Variants in FAM229B observed in about 807,000 individuals in gnomAD.
FAM229B encodes family with sequence similarity 229 member B, also known as protein FAM229B.
A neutral mutation model predicts 6.7 loss-of-function variants in FAM229B; 2 were observed. The ratio of observed to expected loss-of-function variants is 0.30; its 90% CI spans 0.12 to 0.94. The LOEUF (loss-of-function observed/expected upper bound fraction) is 0.94. Among genes scored for constraint, FAM229B ranks in the 40% least tolerant of loss-of-function variants. The pLI is 0.54. For missense variants in FAM229B, 93 were observed against 96.2 expected (o/e 0.97, Z 0.14); for synonymous variants, 29 against 34.0 (o/e 0.85, Z 0.51).
At chr6:112,096,259 ATG>A (rs1490892309) in intron 1 of FAM229B, among the ~76,000 whole-genome samples, 1 of 152,126 alleles carries the variant, frequency 6.6e-6, no homozygotes, top group Non-Finnish European at 1.5e-5. Context: ...ACAGTACAAG[ATG>A]TATTCTTCCT....
chr6:112,097,741 A>G (rs1424995616), intron 2 of FAM229B, among the ~76,000 whole-genome samples: 2 of 152,216 alleles, frequency 1.3e-5, no homozygotes, highest in African/African-American at 2.4e-5. Context: ...TTGTGTACTA[A>G]TAGTTGAATA....
intron 1 of FAM229B, among the ~76,000 whole-genome samples, chr6:112,089,614 A>G (rs1777231422): frequency 2.0e-5 from 3 of 152,200 alleles, no homozygotes; most frequent in Admixed American, 2.0e-4. Flanking sequence ...AGAACTAAGG[A>G]AATTAACTGA....
Position 112,100,669 on chromosome 6 carries a change from G to C in FAM229B, c.126-1G>C. The C allele has an allele frequency of 6.2e-7, 1 of 1,610,030 alleles. No individual in the cohort carries two copies. Among genetic ancestry groups the C allele is most frequent in the Non-Finnish European group, 8.5e-7 (1 of 1,177,160 alleles). On this transcript the variant is annotated splice_acceptor_variant, in intron 3 of 3. Transcript: ENST00000368656. LOFTEE classifies it high-confidence loss of function. The stretch of plus-strand genomic sequence containing the variant: ...TACATGTCATCTGCTTTTTTATTCA[G>C]GCAACTCCGGAGGTGCCCTGGAAGT...
chr6:112,090,577 C>A (rs1274130734), intron 1 of FAM229B, among the ~76,000 whole-genome samples: 1 of 151,942 alleles, frequency 6.6e-6, no homozygotes, highest in Non-Finnish European at 1.5e-5. Flanking sequence ...ACAATCAACC[C>A]CAAAATCTCA....
chr6:112,093,197 A>G (rs1446263147), intron 1 of FAM229B, among the ~76,000 whole-genome samples: 2 of 152,026 alleles, frequency 1.3e-5, no homozygotes, highest in Non-Finnish European at 2.9e-5. Flanking sequence ...ATAAAAGAAT[A>G]GGAAAAGATA....
intron 1 of FAM229B, among the ~76,000 whole-genome samples, chr6:112,088,431 A>G (rs1015470665): frequency 1.2e-4 from 18 of 152,230 alleles, no homozygotes; most frequent in African/African-American, 4.1e-4. Flanking sequence ...TATTTTCCAC[A>G]AAAATTCTGA....
In FAM229B at chr6:112,088,149, T is replaced by G. The variant is rs114695388; in HGVS notation, c.-176+429T>G. ...AATTGAAGACATACACGCGAAATAC[T>G]TAAAGAATTGTGTGGCGTTGACTAT... On this transcript the variant is annotated intron_variant, in intron 1 of 3. Coordinates refer to ENST00000368656, the MANE Select transcript of FAM229B (RefSeq NM_001033564.3). Among the ~76,000 whole-genome samples the G allele has an allele frequency of 6.9e-3, 1,055 of 152,276 alleles. 10 individuals carry two copies. Among genetic ancestry groups the G allele is most frequent in the African/African-American group, 0.022 (902 of 41,554 alleles).
intron 1 of FAM229B, among the ~76,000 whole-genome samples, chr6:112,096,199 G>A (rs1554318631): frequency 6.6e-6 from 1 of 152,180 alleles, no homozygotes; most frequent in Non-Finnish European, 1.5e-5. Context: ...AGAGCAGTTA[G>A]AGAAATGAGC....
chr6:112,092,682 A>G (rs1777273220), intron 1 of FAM229B, among the ~76,000 whole-genome samples: 1 of 152,158 alleles, frequency 6.6e-6, no homozygotes. Flanking sequence ...CTTAAAGGAA[A>G]ATGTATAACG....
At chr6:112,092,246 TGCC>T (rs1777266279) in intron 1 of FAM229B, among the ~76,000 whole-genome samples, 1 of 151,932 alleles carries the variant, frequency 6.6e-6, no homozygotes, top group Non-Finnish European at 1.5e-5. Flanking sequence ...AAAGAAACTA[TGCC>T]AAGTACATTG....
In FAM229B at chr6:112,101,842, A is replaced by G. The variant is rs1339025359; in HGVS notation, c.*1055A>G. 1 of 152,212 alleles carries G rather than the reference A, an allele frequency of 6.6e-6. No homozygotes were observed. The allele number at this position is 152,212 out of a possible 1,614,324, so 9.4% of individuals were successfully genotyped here. A position where few individuals can be genotyped will look rare whatever the true frequency, so the allele number is the denominator to read the frequency against. ...GCATTAGGTGAAAAGAAAAACTGCC[A>G]GGGAGTTATAAGAGGAAAAACTCTC... is the stretch of plus-strand genomic sequence containing the variant. On this transcript the variant is annotated 3_prime_UTR_variant, in exon 4 of 4. Coordinates refer to ENST00000368656, the MANE Select transcript of FAM229B (RefSeq NM_001033564.3).
intron 1 of FAM229B, among the ~76,000 whole-genome samples, chr6:112,093,490 T>C (rs1355375362): frequency 2.0e-5 from 3 of 152,086 alleles, no homozygotes; most frequent in Non-Finnish European, 4.4e-5. Context: ...AGTAAGAATA[T>C]GGAAGACTTG....
Position 112,099,393 on chromosome 6 carries a change from A to G in FAM229B, c.110A>G (p.Glu37Gly), listed in dbSNP as rs1777366767. Residue 37 changes from glutamate (E) to glycine (G), a missense_variant, in exon 3 of 4, where the codon GAG (glutamate) becomes GGG (glycine). By Grantham distance (98) the Glu-to-Gly change is moderately conservative (BLOSUM62 -2). Coordinates refer to ENST00000368656, the MANE Select transcript of FAM229B (RefSeq NM_001033564.3). ...LSSSAACNGK[E>G]MSPTRQLRRC... ...TCCAGTGCTGCCTGTAATGGGAAGG[A>G]GATGTCACCAACCAGGTAAAGTCTT... is the stretch of plus-strand genomic sequence containing the variant. 9 of 1,613,390 alleles carry G rather than the reference A, an allele frequency of 5.6e-6. No individual in the cohort carries two copies. In the East Asian group the frequency reaches 2.0e-4, roughly 36 times the overall value.
At chr6:112,099,994 A>G (rs1283985220) in intron 3 of FAM229B, among the ~76,000 whole-genome samples, 2 of 152,200 alleles carry the variant, frequency 1.3e-5, no homozygotes, top group East Asian at 3.8e-4. Flanking sequence ...TTAGATTCTC[A>G]TGGCTTGGAA....
chr6:112,100,625 C>T (rs782793193), intron 3 of FAM229B, 45 bp from the exon 4 acceptor site: 5 of 1,316,452 alleles, frequency 3.8e-6, no homozygotes, highest in Non-Finnish European at 2.2e-6. Flanking sequence ...AAAAATATTT[C>T]CTCTTTTTAG....
Position 112,100,759 on chromosome 6 carries a change from A to G in FAM229B, c.215A>G (p.Gln72Arg), listed in dbSNP as rs1777387891. 2 of 1,613,852 alleles carry G rather than the reference A, an allele frequency of 1.2e-6. No individual in the cohort carries two copies. Among genetic ancestry groups the G allele is most frequent in the African/African-American group, 1.3e-5 (1 of 74,910 alleles). The change falls in exon 4 of 4, where the codon CAA becomes CGA. Residue 72 changes from glutamine (Q) to arginine (R), a missense_variant. Gln to Arg is a conservative substitution (Grantham distance 43). Transcript: ENST00000368656. ...VYATTRKPPAQSSKEMHPK is the reference protein window; with the variant it reads ...VYATTRKPPARSSKEMHPK ...GCAACAACGAGAAAGCCACCTGCAC[A>G]AAGCAGCAAGGAAATGCATCCTAAA...
chr6:112,087,688 A>G lies in FAM229B; in HGVS notation c.-208A>G, dbSNP rs1777193701. The G allele has an allele frequency of 2.1e-6, 1 of 469,420 alleles. No homozygotes were observed. Among genetic ancestry groups the G allele is most frequent in the African/African-American group, 2.0e-5 (1 of 50,002 alleles). 29.1% of individuals were successfully genotyped at this position (469,420 alleles called of 1,614,324 possible). ...AGCTGCCTTGTCAACATCTTCGAGC[A>G]TCGGCAGCTCCGGAGGCCGGGGTAA... On this transcript the variant is annotated 5_prime_UTR_variant, in exon 1 of 4. Transcript: ENST00000368656.
chr6:112,096,483 G>A (rs1777327486), intron 1 of FAM229B, among the ~76,000 whole-genome samples: 1 of 152,056 alleles, frequency 6.6e-6, no homozygotes, highest in Non-Finnish European at 1.5e-5. Context: ...GTGAACAGGT[G>A]AGGCAGAGCT....
At chr6:112,100,162 C>A (rs1777377569) in intron 3 of FAM229B, among the ~76,000 whole-genome samples, 1 of 152,166 alleles carries the variant, frequency 6.6e-6, no homozygotes, top group Admixed American at 6.5e-5. Context: ...AAAGGAAATT[C>A]ATATATTCGA....
Sources: gnomAD v4.1 joint callset for allele counts (sites outside exome capture counted in the v4.1 genomes callset) on GRCh38, gnomAD v4.1.1 for gene constraint, MANE v1.5 for transcripts, NCBI Gene and HGNC (gene_info 2026-07-23, HGNC 2026-07-21) for gene names.